The following BACH2 variants were observed in gnomAD, a reference collection of about 807,000 sequenced individuals.
BACH2 encodes BACH transcriptional regulator 2.
Under a neutral mutation model 61.8 loss-of-function variants are expected in BACH2, and 5 were observed. The observed-to-expected ratio is 0.08, with a 90% CI of 0.04 to 0.17. The LOEUF (loss-of-function observed/expected upper bound fraction) is 0.17. Among genes scored for constraint, BACH2 ranks in the 10% least tolerant of loss-of-function variants. BACH2 has a pLI of 1.00. For missense variants in BACH2, 824 were observed against 1,091.1 expected (o/e 0.76, Z 3.45); for synonymous variants, 446 against 440.1 (o/e 1.01, Z -0.17).
intron 4 of BACH2, among the ~76,000 whole-genome samples, chr6:90,189,548 C>A (rs1215995754): frequency 7.1e-6 from 1 of 139,928 alleles, no homozygotes; most frequent in African/African-American, 2.7e-5. Flanking sequence ...GCGGAGCTTG[C>A]AGTGAGCCGA....
intron 2 of BACH2, among the ~76,000 whole-genome samples, chr6:90,267,586 A>T (rs1233069608): frequency 6.6e-6 from 1 of 152,174 alleles, no homozygotes; most frequent in Non-Finnish European, 1.5e-5. Flanking sequence ...ATGTACAAGA[A>T]TTTAACTGCA....
Position 89,932,818 on chromosome 6 carries a change from A to G in BACH2, c.2116T>C (p.Phe706Leu). Residue 706 changes from phenylalanine (F) to leucine (L), a missense_variant, in exon 9 of 9, where the codon TTC becomes CTC. Phe to Leu is a conservative substitution (Grantham distance 22, BLOSUM62 0). This residue lies in a region of BACH2 where 160 missense variants were observed against 283.5 expected (regional missense o/e 0.56). Coordinates refer to ENST00000257749, the MANE Select transcript of BACH2 (RefSeq NM_021813.4). ...KACMGELLDN[F>L]SCLSQEVCRD... ...CAAACTTCCTGGGAAAGGCAGGAGA[A>G]GTTGTCCAACAGTTCCCCCATGCAT... 1 of 1,613,308 alleles carries G rather than the reference A, an allele frequency of 6.2e-7. No homozygotes were observed. Among genetic ancestry groups the G allele is most frequent in the Non-Finnish European group, 8.5e-7 (1 of 1,179,292 alleles).
chr6:90,169,303 A>C (rs181141600), intron 4 of BACH2, among the ~76,000 whole-genome samples: 36 of 152,274 alleles, frequency 2.4e-4, no homozygotes, highest in South Asian at 6.2e-4. Context: ...AGTCTCCCCA[A>C]TTTTTTACTG....
chr6:90,127,022 ACAAAAGAGTTGTT>A (rs1412359607), intron 4 of BACH2, among the ~76,000 whole-genome samples: 2 of 152,200 alleles, frequency 1.3e-5, no homozygotes, highest in African/African-American at 2.4e-5. Context: ...CTCCTACTGT[ACAAAAGAGTTGTT>A]CACACTGCAA....
intron 5 of BACH2, among the ~76,000 whole-genome samples, chr6:90,055,513 T>C (rs894027939): frequency 6.6e-6 from 1 of 152,040 alleles, no homozygotes. Flanking sequence ...TACCTGAAAG[T>C]GACGGGGAGA....
chr6:89,943,374 C>T (rs886239366), intron 7 of BACH2, among the ~76,000 whole-genome samples: 4 of 152,084 alleles, frequency 2.6e-5, no homozygotes, highest in Non-Finnish European at 5.9e-5. Flanking sequence ...CCATCATCCC[C>T]TTCCTCCCAG....
chr6:90,143,376 C>T (rs1784524847), intron 4 of BACH2, among the ~76,000 whole-genome samples: 1 of 152,148 alleles, frequency 6.6e-6, no homozygotes, highest in Admixed American at 6.5e-5. Flanking sequence ...CACCTCTGCC[C>T]ATTATCGGTT....
Position 89,951,294 on chromosome 6 carries a change from G to T in BACH2, c.812C>A (p.Ala271Asp), listed in dbSNP as rs768979734. ...NSSNSLKPGL[A>D]RGQIKSEPPS... Reference sequence around the variant, plus strand: ...CGGCTCACTTTTAATCTGCCCCCTGGCAAGCCCCGGCTTGAGGCTGTTGCT... The same window carrying T: ...CGGCTCACTTTTAATCTGCCCCCTGTCAAGCCCCGGCTTGAGGCTGTTGCT... The change falls in exon 7 of 9, where the codon GCC (alanine) becomes GAC (aspartate). Residue 271 changes from alanine to aspartate, a missense_variant. By Grantham distance (126) the Ala-to-Asp change is moderately radical. Transcript: ENST00000257749. The surrounding 1 kb of genome is among the most constrained non-coding windows in gnomAD (Gnocchi z 6.4). The T allele has an allele frequency of 1.2e-6, 2 of 1,614,096 alleles. No homozygotes were observed. The highest frequency in any genetic ancestry group is 2.7e-5 in the African/African-American group (2 of 74,938).
chr6:90,179,921 C>A (rs890364319), intron 4 of BACH2, among the ~76,000 whole-genome samples: 6 of 152,080 alleles, frequency 3.9e-5, no homozygotes, highest in African/African-American at 1.4e-4. Flanking sequence ...AAGTAAATAT[C>A]CATGAGTAGG....
At chr6:89,978,304 T>C (rs1471645024) in intron 6 of BACH2, among the ~76,000 whole-genome samples, 3 of 152,100 alleles carry the variant, frequency 2.0e-5, no homozygotes, top group East Asian at 1.9e-4. Context: ...GGGCAGGAAA[T>C]TGCATGAATA....
intron 6 of BACH2, among the ~76,000 whole-genome samples, chr6:89,994,367 C>T (rs1776735960): frequency 6.6e-6 from 1 of 152,152 alleles, no homozygotes; most frequent in Admixed American, 6.5e-5. Context: ...AGAAAACATA[C>T]AGGAATGCAA....
At position 89,982,711 on chromosome 6, in the gene BACH2, T is replaced by C. The variant is rs918262467; in HGVS notation, c.243+25891A>G. 6.6e-5 allele frequency among the ~76,000 whole-genome samples: 10 copies of C among 152,156 alleles called. 1 individual carries two copies. Among genetic ancestry groups the C allele is most frequent in the Non-Finnish European group, 2.9e-5 (2 of 68,036 alleles). On this transcript the variant is annotated intron_variant, in intron 6 of 8. Coordinates refer to ENST00000257749, the MANE Select transcript of BACH2 (RefSeq NM_021813.4). ...CCTATTATTTGTTCCTCCCAACAAC[T>C]CGGTAAATGAGGTATTATGATTCTT...
In BACH2 at chr6:89,932,805, G is replaced by A. The variant is rs1562303238; in HGVS notation, c.2129C>T (p.Ser710Phe). 1.2e-6 allele frequency: 2 copies of A among 1,613,548 alleles called. No homozygotes were observed. The highest frequency in any genetic ancestry group is 2.2e-5 in the East Asian group (1 of 44,840). ...GELLDNFSCL[S>F]QEVCRDIQSP... ...CTGGATGTCTCGGCAAACTTCCTGG[G>A]AAAGGCAGGAGAAGTTGTCCAACAG... is the stretch of plus-strand genomic sequence containing the variant. The change falls in exon 9 of 9, where the codon TCC becomes TTC. Residue 710 changes from serine (S) to phenylalanine (F), a missense_variant. This residue lies in a region of BACH2 where 160 missense variants were observed against 283.5 expected (regional missense o/e 0.56). Coordinates refer to ENST00000257749, the MANE Select transcript of BACH2 (RefSeq NM_021813.4).
intron 5 of BACH2, among the ~76,000 whole-genome samples, chr6:90,059,210 T>G (rs138632631): frequency 0.019 from 2,782 of 143,806 alleles, no homozygotes; most frequent in African/African-American, 0.079. Context: ...GGAGAAAAGT[T>G]TTGCAAGCTA....
At chr6:89,974,553 G>A (rs146868737) in intron 6 of BACH2, among the ~76,000 whole-genome samples, 18 of 152,268 alleles carry the variant, frequency 1.2e-4, no homozygotes, top group East Asian at 1.2e-3. Context: ...GTCCTCACAC[G>A]TTCCATGCAT....
At chr6:89,993,814 T>G (rs1179681010) in intron 6 of BACH2, among the ~76,000 whole-genome samples, 1 of 151,954 alleles carries the variant, frequency 6.6e-6, no homozygotes, top group Non-Finnish European at 1.5e-5. Context: ...TTTTTTTTTT[T>G]TGAATTTTTT....
intron 3 of BACH2, among the ~76,000 whole-genome samples, chr6:90,208,401 C>CA (rs1223585705): frequency 1.3e-4 from 20 of 152,144 alleles, no homozygotes; most frequent in African/African-American, 4.6e-4. Flanking sequence ...AGGATATAGA[C>CA]AGACACTTCT....
intron 3 of BACH2, among the ~76,000 whole-genome samples, chr6:90,215,450 G>T (rs1007400648): frequency 1.3e-5 from 2 of 152,154 alleles, no homozygotes; most frequent in Non-Finnish European, 2.9e-5. Context: ...AAGGCCAGTG[G>T]CATCAATGTC....
At chr6:90,162,799 G>T (rs1767447002) in intron 4 of BACH2, among the ~76,000 whole-genome samples, 1 of 152,182 alleles carries the variant, frequency 6.6e-6, no homozygotes, top group South Asian at 2.1e-4. Context: ...CATCTCTGAT[G>T]CTGCCCATTC....
Sources: allele counts gnomAD v4.1 joint callset (sites outside exome capture counted in the v4.1 genomes callset), GRCh38; gene constraint gnomAD v4.1.1; regional missense constraint gnomAD v4.1.1; non-coding constraint Gnocchi (gnomAD v3.1); transcripts MANE v1.5; gene names NCBI Gene and HGNC (gene_info 2026-07-23, HGNC 2026-07-21).